CDC42BPG: variants seen among roughly 807,000 people sequenced by gnomAD.
The protein encoded by CDC42BPG is serine/threonine-protein kinase MRCK gamma.
A neutral mutation model predicts 192.2 loss-of-function variants in CDC42BPG; 157 were observed. That is an observed-to-expected ratio of 0.82 (90% CI 0.72 to 0.93). CDC42BPG has a LOEUF of 0.93. CDC42BPG is among the 40% of genes least tolerant of loss of function. The pLI, the probability that CDC42BPG is intolerant of heterozygous loss-of-function variation, is 0.00. For missense variants in CDC42BPG, 1,992 were observed against 2,122.1 expected (o/e 0.94, Z 1.20); for synonymous variants, 981 against 918.5 (o/e 1.07, Z -1.23).
chr11:64,828,966 C>G (rs1305221108), intron 30 of CDC42BPG, among the ~76,000 whole-genome samples: 2 of 152,162 alleles, frequency 1.3e-5, no homozygotes, highest in Non-Finnish European at 2.9e-5. Context: ...AGGAGAATCA[C>G]CTGAACCCGG....
intron 17 of CDC42BPG, 30 bp downstream of exon 17, chr11:64,835,017 T>TTGGCCCCCCC: frequency 4.5e-6 from 7 of 1,571,938 alleles, no homozygotes; most frequent in Non-Finnish European, 4.4e-6. Flanking sequence ...TCGCCTGCGT[T>TTGGCCCCCCC]CCCCACCCCG....
rs1327953470 is a variant in CDC42BPG, at chr11:64,844,423, C to A, written c.147G>T (p.Gln49His). The part of the protein sequence containing the change: ...GPLRRERSVA[Q>H]FLSWASPFVS... ...CCCGCCACTCACCCCAGCTCAGGAACTGCGCCACGCTGCGCTCCCGCCGTA... is the reference window on the plus strand; with the variant it reads ...CCCGCCACTCACCCCAGCTCAGGAAATGCGCCACGCTGCGCTCCCGCCGTA... Residue 49 changes from glutamine (Q) to histidine (H), a missense_variant, in exon 1 of 37, where the codon CAG (glutamine) becomes CAT (histidine). This residue lies in a region of CDC42BPG where 1,656 missense variants were observed against 1,844.3 expected (regional missense o/e 0.90). Transcript: ENST00000342711. 6.8e-7 allele frequency: 1 copy of A among 1,460,964 alleles called. No homozygotes were observed. The highest frequency in any genetic ancestry group is 2.4e-5 in the Admixed American group (1 of 41,690). 90.5% of individuals were successfully genotyped at this position (1,460,964 alleles called of 1,614,324 possible). A position where few individuals can be genotyped will look rare whatever the true frequency, so the allele number is the denominator to read the frequency against.
In CDC42BPG at chr11:64,835,017, T is replaced by TCCCCCC; in HGVS notation, c.2060+29_2060+30insGGGGGG. 6 of 1,571,930 alleles carry TCCCCCC rather than the reference T, an allele frequency of 3.8e-6. No individual in the cohort carries two copies. The Admixed American group carries it at 6.7e-5, about 18-fold the overall frequency. ...GCTGGGCCCTCAGTCTCGCCTGCGTTCCCCACCCCGACCCACCCCTGGCAC... is the reference window on the plus strand; with the variant it reads ...GCTGGGCCCTCAGTCTCGCCTGCGTTCCCCCCCCCCACCCCGACCCACCCCTGGCAC... On this transcript the variant is annotated intron_variant, in intron 17 of 36. Transcript: ENST00000342711.
At position 64,829,795 on chromosome 11, in the gene CDC42BPG, A is replaced by G. The variant is rs763582842; in HGVS notation, c.3643T>C (p.Trp1215Arg). 5.0e-6 allele frequency: 8 copies of G among 1,600,652 alleles called. No individual in the cohort carries two copies. Among genetic ancestry groups the G allele is most frequent in the African/African-American group, 1.3e-5 (1 of 74,332 alleles). Residue 1215 changes from tryptophan (W) to arginine (R), a missense_variant, in exon 30 of 37, where the codon TGG becomes CGG. Transcript: ENST00000342711. ...TGCAGCTCACGGATGCGGCGCTGCC[A>G]GGGCCCAGGGCCCGGGCCCAGCTGG... is the stretch of plus-strand genomic sequence containing the variant. Reference protein sequence around the residue: ...CYQLGPGPGPWQRRIRELQAP... With the variant: ...CYQLGPGPGPRQRRIRELQAP...
At chr11:64,843,922 G>A (rs1033455338) in intron 1 of CDC42BPG, among the ~76,000 whole-genome samples, 4 of 152,172 alleles carry the variant, frequency 2.6e-5, no homozygotes, top group Admixed American at 1.3e-4. Context: ...CTACAGATCT[G>A]TGTGTTTTGC....
At chr11:64,839,454 C>A in intron 6 of CDC42BPG, 24 bp downstream of exon 6, 1 of 1,441,130 alleles carries the variant, frequency 6.9e-7, no homozygotes, top group Non-Finnish European at 9.6e-7. Context: ...ATCCCCTGCT[C>A]CCACTCTGGG....
rs905678918 is a variant in CDC42BPG, at chr11:64,823,420, G to C, written c.*1053C>G. On this transcript the variant is annotated 3_prime_UTR_variant, in exon 37 of 37. Transcript: ENST00000342711. ...GTTTCTTGCGCCTCACAGAGCATCA[G>C]GGTCTGTCCCTCCTGGGAATGTGGC... 2 of 152,088 alleles carry C rather than the reference G, an allele frequency of 1.3e-5. No individual in the cohort carries two copies. The highest frequency in any genetic ancestry group is 2.9e-5 in the Non-Finnish European group (2 of 68,032). 9.4% of individuals were successfully genotyped at this position (152,088 alleles called of 1,614,324 possible). A position where few individuals can be genotyped will look rare whatever the true frequency, so the allele number is the denominator to read the frequency against.
intron 3 of CDC42BPG, among the ~76,000 whole-genome samples, 164 bp downstream of exon 3, chr11:64,841,486 G>C (rs1020664743): frequency 2.0e-5 from 3 of 152,014 alleles, no homozygotes; most frequent in Non-Finnish European, 2.9e-5. Flanking sequence ...ATTAAATAAA[G>C]GGTTTATTGT....
rs78645678 is a variant in CDC42BPG, at chr11:64,824,068, C to T, written c.*405G>A. 8.4e-4 allele frequency: 194 copies of T among 232,222 alleles called. 1 individual carries two copies. In the East Asian group the frequency reaches 0.023, roughly 27 times the overall value. 14.4% of individuals were successfully genotyped at this position (232,222 alleles called of 1,614,324 possible). On this transcript the variant is annotated 3_prime_UTR_variant, in exon 37 of 37. Coordinates refer to ENST00000342711, the MANE Select transcript of CDC42BPG (RefSeq NM_017525.3). The stretch of plus-strand genomic sequence containing the variant: ...ACGGGGACATGCCCCATCTTGGCCT[C>T]AGCTGGGAGTCAGACAGTCCACAGA...
chr11:64,828,974 C>G (rs1310574792), intron 30 of CDC42BPG, among the ~76,000 whole-genome samples: 1 of 151,766 alleles, frequency 6.6e-6, no homozygotes, highest in Non-Finnish European at 1.5e-5. Context: ...CACCTGAACC[C>G]GGGAAGCAAA....
At chr11:64,843,871 T>G (rs1459017051) in intron 1 of CDC42BPG, among the ~76,000 whole-genome samples, 2 of 149,742 alleles carry the variant, frequency 1.3e-5, no homozygotes, top group Non-Finnish European at 3.0e-5. Context: ...GAGCTGGGGG[T>G]GTGTGTGTTG....
chr11:64,833,640 G>GGT lies in CDC42BPG; in HGVS notation c.2583_2584dup (p.Pro862HisfsTer38). 1 of 1,612,200 alleles carries GGT rather than the reference G, an allele frequency of 6.2e-7. No individual in the cohort carries two copies. The highest frequency in any genetic ancestry group is 8.5e-7 in the Non-Finnish European group (1 of 1,179,502). On this transcript the variant is annotated frameshift_variant, in exon 23 of 37. Transcript: ENST00000342711. LOFTEE classifies it high-confidence loss of function. ...TTCTGTAGAGGCTGTGTTGGCAGTG[G>GGT]GTGCTCTGGGGAACACAGCCTGCAG... is the stretch of plus-strand genomic sequence containing the variant.
In CDC42BPG at chr11:64,833,941, G is replaced by T; in HGVS notation, c.2450C>A (p.Ser817Tyr). ...GGTCCTTACCTCTGAGCTCCGGAAG[G>T]ACAGGAAGGGAATCAGGGAGTTTGA... ...KPSNSLIPFL[S>Y]FRSSEKDSAK... Residue 817 changes from serine to tyrosine, a missense_variant, in exon 21 of 37, where the codon TCC becomes TAC. Physicochemically the swap from Ser to Tyr is moderately radical, Grantham distance 144. Coordinates refer to ENST00000342711, the MANE Select transcript of CDC42BPG (RefSeq NM_017525.3). The T allele has an allele frequency of 1.2e-6, 2 of 1,614,242 alleles. No homozygotes were observed. Among genetic ancestry groups the T allele is most frequent in the Non-Finnish European group, 1.7e-6 (2 of 1,180,026 alleles).
At position 64,836,716 on chromosome 11, in the gene CDC42BPG, G is replaced by A. The variant is rs533865752; in HGVS notation, c.1384+23C>T. On this transcript the variant is annotated intron_variant, in intron 11 of 36. Coordinates refer to ENST00000342711, the MANE Select transcript of CDC42BPG (RefSeq NM_017525.3). ...GGTGGGACTCAGCCCTGGGGGGGGG[G>A]GGGGGGTGGGCGGAAGGGATACCTG... The A allele has an allele frequency of 8.4e-5, 73 of 869,186 alleles. 4 individuals carry two copies. In the Admixed American group the frequency reaches 1.7e-3, roughly 20 times the overall value. 53.8% of individuals were successfully genotyped at this position (869,186 alleles called of 1,614,324 possible).
Position 64,826,775 on chromosome 11 carries a change from C to A in CDC42BPG, c.4409G>T (p.Arg1470Leu). 6.6e-7 allele frequency: 1 copy of A among 1,512,760 alleles called. No individual in the cohort carries two copies. The allele number at this position is 1,512,760 out of a possible 1,614,324, so 93.7% of individuals were successfully genotyped here. A position where few individuals can be genotyped will look rare whatever the true frequency, so the allele number is the denominator to read the frequency against. ...CTGTGGGCCGGAGCCGCGGGCAACT[C>A]GGCCCTTCTCTTCGGGAGCCTGTTG... ...DKSPAPEEKGRVARGSGPQRP... is the reference protein window; with the variant it reads ...DKSPAPEEKGLVARGSGPQRP... The change falls in exon 35 of 37, where the codon CGA becomes CTA. Residue 1470 changes from arginine (R) to leucine (L), a missense_variant. Arg to Leu is a moderately radical substitution (Grantham distance 102, BLOSUM62 -2). Around this residue, in one of 2 missense-constraint regions of CDC42BPG, gnomAD observed 336 missense variants for 277.9 expected, o/e 1.21. Coordinates refer to ENST00000342711, the MANE Select transcript of CDC42BPG (RefSeq NM_017525.3).
Position 64,827,311 on chromosome 11 carries a change from C to T in CDC42BPG, c.4238G>A (p.Arg1413His), listed in dbSNP as rs1382357143. 2 of 1,613,874 alleles carry T rather than the reference C, an allele frequency of 1.2e-6. No individual in the cohort carries two copies. The highest frequency in any genetic ancestry group is 2.2e-5 in the East Asian group (1 of 44,888). ...RTKSKRRFFF[R>H]VSEEQQKQQR... ...CTGCTTCTGCTGCTCCTCCGACACGCGGAAAAAGAAGCGGCGCTTGCTCTT... is the reference window on the plus strand; with the variant it reads ...CTGCTTCTGCTGCTCCTCCGACACGTGGAAAAAGAAGCGGCGCTTGCTCTT... Residue 1413 changes from arginine (R) to histidine (H), a missense_variant, in exon 33 of 37, where the codon CGC becomes CAC. Arg to His is a conservative substitution (Grantham distance 29). Transcript: ENST00000342711.
In CDC42BPG at chr11:64,829,294, T is replaced by C. The variant is rs1001589012; in HGVS notation, c.3967+177A>G. Among the ~76,000 whole-genome samples the C allele has an allele frequency of 4.1e-4, 63 of 152,016 alleles. 1 individual carries two copies. Among genetic ancestry groups the C allele is most frequent in the Admixed American group, 4.0e-3 (61 of 15,262 alleles). On this transcript the variant is annotated intron_variant, in intron 30 of 36. Transcript: ENST00000342711. The stretch of plus-strand genomic sequence containing the variant: ...CAGGAGAGGAGCATGAGCTCAGCCA[T>C]GGAAAAGGAAGGTCCCCTGCAAGCC...
At chr11:64,837,987 G>T in intron 9 of CDC42BPG, 96 bp downstream of exon 9, 4 of 1,056,198 alleles carry the variant, frequency 3.8e-6, no homozygotes, top group Non-Finnish European at 5.7e-6. Flanking sequence ...GAGCCCTTCT[G>T]CCCTCCTTCC....
At position 64,836,745 on chromosome 11, in the gene CDC42BPG, G is replaced by T; in HGVS notation, c.1378C>A (p.Leu460Met). ...GGGTGGGCGGAAGGGATACCTGGCAGCCTGTCCCGCAGAGTCTGCACTTCC... is the reference window on the plus strand; with the variant it reads ...GGGTGGGCGGAAGGGATACCTGGCATCCTGTCCCGCAGAGTCTGCACTTCC... Reference protein sequence around the residue: ...RKEVQTLRDRLPEMLRDKASL... With the variant: ...RKEVQTLRDRMPEMLRDKASL... The change falls in exon 11 of 37, where the codon CTG becomes ATG. Residue 460 changes from leucine to methionine, a missense_variant. By Grantham distance (15) the Leu-to-Met change is conservative. Coordinates refer to ENST00000342711, the MANE Select transcript of CDC42BPG (RefSeq NM_017525.3). The T allele has an allele frequency of 7.0e-7, 1 of 1,419,398 alleles. No individual in the cohort carries two copies. The highest frequency in any genetic ancestry group is 9.5e-7 in the Non-Finnish European group (1 of 1,050,258). The allele number at this position is 1,419,398 out of a possible 1,614,324, so 87.9% of individuals were successfully genotyped here.
Sources: gnomAD v4.1 joint callset for allele counts (sites outside exome capture counted in the v4.1 genomes callset) on GRCh38, gnomAD v4.1.1 for gene constraint, gnomAD v4.1.1 regional missense constraint, MANE v1.5 for transcripts, NCBI Gene and HGNC (gene_info 2026-07-23, HGNC 2026-07-21) for gene names.